EPRS1: variants seen among roughly 807,000 people sequenced by gnomAD.
The protein encoded by EPRS1 is bifunctional glutamate/proline--tRNA ligase.
EPRS1 carries 107 observed loss-of-function variants against 188.3 expected under a neutral mutation model. The ratio of observed to expected loss-of-function variants is 0.57; its 90% CI spans 0.49 to 0.67. The LOEUF is 0.67. EPRS1 is among the 30% of genes least tolerant of loss of function. The probability of loss-of-function intolerance (pLI) is 0.00; values close to 1 mark genes in which losing one functional copy is unlikely to be tolerated. For synonymous variants in EPRS1, 596 were observed against 593.1 expected, an observed-to-expected ratio of 1.00 and a Z score of -0.07; for missense variants, 1,577 against 1,802.2, an observed-to-expected ratio of 0.88 and a Z score of 2.26.
chr1:220,005,827 T>TG (rs1230337209), intron 15 of EPRS1, among the ~76,000 whole-genome samples: 4 of 38,888 alleles, frequency 1.0e-4, no homozygotes, highest in East Asian at 1.5e-3. Context: ...GTTTTTTTTT[T>TG]TGTTTTTTTT....
At chr1:220,027,046 C>G (rs1285754880) in intron 6 of EPRS1, among the ~76,000 whole-genome samples, 1 of 151,886 alleles carries the variant, frequency 6.6e-6, no homozygotes, top group African/African-American at 2.4e-5. Flanking sequence ...AATCCCAGCA[C>G]TTTGGGAGGC....
At chr1:219,985,302 G>A (rs942906455) in intron 20 of EPRS1, among the ~76,000 whole-genome samples, 1 of 152,116 alleles carries the variant, frequency 6.6e-6, no homozygotes, top group Non-Finnish European at 1.5e-5. Flanking sequence ...TTCACTGAAA[G>A]TAACACCTAA....
In EPRS1 at chr1:220,046,357, C is replaced by A. The variant is rs753208571; in HGVS notation, c.32G>T (p.Gly11Val). Residue 11 changes from glycine (G) to valine (V), a missense_variant, in exon 1 of 32, where the codon GGA (glycine) becomes GTA (valine). Physicochemically the swap from Gly to Val is moderately radical, Grantham distance 109 (BLOSUM62 -3). Coordinates refer to ENST00000366923, the MANE Select transcript of EPRS1 (RefSeq NM_004446.3). ...CGGCCCCTTACCTAGCGGAGGGTCT[C>A]CTGAATTCACGGTCAGAGAGAGCGT... MATLSLTVNS[G>V]DPPLGALLAV... is the part of the protein sequence containing the mutation. The A allele has an allele frequency of 1.9e-6, 3 of 1,614,116 alleles. No individual in the cohort carries two copies. The Admixed American group carries it at 5.0e-5, about 27-fold the overall frequency.
At chr1:219,986,594 C>G (rs1187681903) in intron 20 of EPRS1, among the ~76,000 whole-genome samples, 1 of 152,028 alleles carries the variant, frequency 6.6e-6, no homozygotes, top group Non-Finnish European at 1.5e-5. Context: ...CTTAAAGAGC[C>G]CTCTATCCAA....
At position 220,040,057 on chromosome 1, in the gene EPRS1, C is replaced by T. The variant is rs555233168; in HGVS notation, c.131+128G>A. The T allele has an allele frequency of 7.6e-4, 464 of 606,714 alleles. 3 individuals carry two copies. Among genetic ancestry groups the T allele is most frequent in the South Asian group, 1.7e-3 (71 of 42,572 alleles). The allele number at this position is 606,714 out of a possible 1,614,324, so 37.6% of individuals were successfully genotyped here. A position where few individuals can be genotyped will look rare whatever the true frequency, so the allele number is the denominator to read the frequency against. ...CTGGGATGGCAGGATCCTGAGTCCA[C>T]GAGTTCTAGGTACAGTGAGCTATGA... On this transcript the variant is annotated intron_variant, in intron 2 of 31. Transcript: ENST00000366923.
intron 14 of EPRS1, among the ~76,000 whole-genome samples, chr1:220,006,575 TACA>T (rs1373636892): frequency 1.3e-5 from 2 of 152,150 alleles, no homozygotes; most frequent in Non-Finnish European, 2.9e-5. Context: ...CAGATTCACA[TACA>T]ATTGATGAGG....
chr1:220,036,717 A>G (rs1357094948), intron 2 of EPRS1, among the ~76,000 whole-genome samples: 1 of 152,162 alleles, frequency 6.6e-6, no homozygotes, highest in African/African-American at 2.4e-5. Context: ...AGCAGAAGAA[A>G]TAACTATTGG....
rs147334240 is a variant in EPRS1 at position 220,001,106 on chromosome 1, AT to A, written c.2181+31del. 1,378 of 1,180,296 alleles carry A rather than the reference AT, an allele frequency of 1.2e-3. 16 individuals carry two copies. The African/African-American group carries it at 0.019, about 16-fold the overall frequency. The allele number at this position is 1,180,296 out of a possible 1,614,324, so 73.1% of individuals were successfully genotyped here. On this transcript the variant is annotated intron_variant, in intron 17 of 31. Transcript: ENST00000366923. ...AAACCCTGGGATAGAAAGACCATTT[AT>A]TTTTATACACATATCCGTAAAAGTC...
At position 220,040,036 on chromosome 1, in the gene EPRS1, G is replaced by A. The variant is rs1662262741; in HGVS notation, c.131+149C>T. The A allele has an allele frequency of 1.0e-5, 6 of 575,970 alleles. No homozygotes were observed. The South Asian group carries it at 1.5e-4, about 15-fold the overall frequency. 35.7% of individuals were successfully genotyped at this position (575,970 alleles called of 1,614,324 possible). On this transcript the variant is annotated intron_variant, in intron 2 of 31. Coordinates refer to ENST00000366923, the MANE Select transcript of EPRS1 (RefSeq NM_004446.3). ...CAGTCCTAGCTACTCGGGAGGCTGG[G>A]ATGGCAGGATCCTGAGTCCACGAGT...
At chr1:220,021,208 A>G (rs1661872656) in intron 9 of EPRS1, among the ~76,000 whole-genome samples, 1 of 151,528 alleles carries the variant, frequency 6.6e-6, no homozygotes, top group African/African-American at 2.4e-5. Flanking sequence ...GTTTGTCTAG[A>G]GACAGGGTTT....
rs1444734956 is a variant in EPRS1 at position 219,973,342 on chromosome 1, T to C, written c.4140A>G (p.Val1380=). 16 of 1,612,410 alleles carry C rather than the reference T, an allele frequency of 9.9e-6. No homozygotes were observed. The highest frequency in any genetic ancestry group is 1.7e-5 in the Admixed American group (1 of 59,746). Residue 1380 remains valine (V), a synonymous_variant, in exon 29 of 32, where the codon GTA becomes GTG. Transcript: ENST00000366923. The part of the protein sequence containing the change: ...GPRDMKSCQF[V]AVRRDTGEKL... ...TTTCTCCAGTATCTCGTCTGACGGC[T>C]ACAAACTGACAGCTCTTCATATCAC...
intron 16 of EPRS1, among the ~76,000 whole-genome samples, chr1:220,002,702 A>C (rs1310538370): frequency 2.6e-5 from 4 of 152,104 alleles, no homozygotes. Context: ...TCTACAAAAA[A>C]TACACAAACT....
chr1:219,989,042 G>C (rs1661069060), intron 18 of EPRS1, among the ~76,000 whole-genome samples: 1 of 152,070 alleles, frequency 6.6e-6, no homozygotes. Context: ...ACATACAACA[G>C]TGTAACTTTC....
intron 1 of EPRS1, 147 bp from the exon 2 acceptor site, chr1:220,040,416 T>C: frequency 1.8e-6 from 1 of 541,728 alleles, no homozygotes; most frequent in Non-Finnish European, 3.3e-6. Context: ...AGACAGAAAA[T>C]GTAGTCTTTT....
chr1:220,018,261 T>G (rs951410198), intron 12 of EPRS1, 188 bp downstream of exon 12: 22 of 941,898 alleles, frequency 2.3e-5, no homozygotes, highest in Non-Finnish European at 3.6e-5. Flanking sequence ...TTATTTGGAA[T>G]AGTTAATAGG....
At chr1:219,994,507 T>C (rs1661188135) in intron 18 of EPRS1, among the ~76,000 whole-genome samples, 1 of 151,694 alleles carries the variant, frequency 6.6e-6, no homozygotes, top group South Asian at 2.1e-4. Flanking sequence ...GCAAAAATAA[T>C]AATTTTAAAA....
intron 1 of EPRS1, among the ~76,000 whole-genome samples, chr1:220,044,662 T>C (rs1231090414): frequency 8.2e-6 from 1 of 122,236 alleles, no homozygotes; most frequent in Non-Finnish European, 1.6e-5. Flanking sequence ...GAGGCAGAGG[T>C]TGCAATGAGC....
chr1:220,031,041 G>A (rs1213320426), intron 5 of EPRS1, among the ~76,000 whole-genome samples: 7 of 150,838 alleles, frequency 4.6e-5, no homozygotes, highest in African/African-American at 1.7e-4. Flanking sequence ...GCAGTGAGCC[G>A]AGATCATGCC....
At chr1:219,971,899 A>G (rs958134484) in intron 30 of EPRS1, among the ~76,000 whole-genome samples, 170 bp downstream of exon 30, 2 of 149,452 alleles carry the variant, frequency 1.3e-5, no homozygotes, top group Non-Finnish European at 3.0e-5. Context: ...TAAAACAAAG[A>G]CTATATAATT....
Sources: allele counts gnomAD v4.1 joint callset (sites outside exome capture counted in the v4.1 genomes callset), GRCh38; gene constraint gnomAD v4.1.1; transcripts MANE v1.5; gene names NCBI Gene and HGNC (gene_info 2026-07-23, HGNC 2026-07-21).